The following GRIA1 variants were observed in gnomAD, a reference collection of about 807,000 sequenced individuals.
GRIA1 encodes the protein glutamate receptor 1.
Under a neutral mutation model 99.2 loss-of-function variants are expected in GRIA1, and 31 were observed. The ratio of observed to expected loss-of-function variants is 0.31; its 90% CI spans 0.23 to 0.42. GRIA1 has a LOEUF of 0.42. GRIA1 is among the 10% of genes least tolerant of loss of function. GRIA1 has a pLI of 1.00. For missense variants in GRIA1, 782 were observed against 1,157.5 expected (o/e 0.68, Z 4.71); for synonymous variants, 438 against 432.4 (o/e 1.01, Z -0.16).
At chr5:153,574,958 G>C (rs1231374479) in intron 2 of GRIA1, among the ~76,000 whole-genome samples, 1 of 152,138 alleles carries the variant, frequency 6.6e-6, no homozygotes, top group Non-Finnish European at 1.5e-5. Context: ...TTAAGAGGGA[G>C]AGACACCCAC....
At chr5:153,607,038 A>G in intron 2 of GRIA1, among the ~76,000 whole-genome samples, 1 of 80,292 alleles carries the variant, frequency 1.2e-5, no homozygotes, top group East Asian at 3.3e-4. Context: ...AACATATCAC[A>G]AAAGATATAT....
intron 2 of GRIA1, among the ~76,000 whole-genome samples, chr5:153,568,849 G>C (rs1030329558): frequency 2.6e-5 from 4 of 152,098 alleles, no homozygotes; most frequent in Non-Finnish European, 4.4e-5. Flanking sequence ...GACTTTGAAG[G>C]CCTTCTATAT....
At chr5:153,641,004 G>T (rs1472289933) in intron 2 of GRIA1, among the ~76,000 whole-genome samples, 4 of 152,140 alleles carry the variant, frequency 2.6e-5, no homozygotes, top group Non-Finnish European at 4.4e-5. Context: ...GGATGGACAG[G>T]CACTCTTATT....
chr5:153,763,372 G>C (rs182718463), intron 11 of GRIA1, among the ~76,000 whole-genome samples: 1 of 152,286 alleles, frequency 6.6e-6, no homozygotes, highest in East Asian at 1.9e-4. Flanking sequence ...TTCTCTGATT[G>C]TTAAATATAG....
At chr5:153,660,395 T>A (rs576999758) in intron 5 of GRIA1, among the ~76,000 whole-genome samples, 29 of 152,258 alleles carry the variant, frequency 1.9e-4, no homozygotes, top group Admixed American at 1.1e-3. Context: ...GAAACAGAGC[T>A]TCAGAAAGGT....
At chr5:153,655,680 G>A in intron 4 of GRIA1, 139 bp from the exon 5 acceptor site, 1 of 677,908 alleles carries the variant, frequency 1.5e-6, no homozygotes, top group Non-Finnish European at 2.7e-6. Context: ...ACCATCATTG[G>A]ATGGTTGGGA....
At chr5:153,787,441 A>T (rs1211434073) in intron 13 of GRIA1, among the ~76,000 whole-genome samples, 1 of 152,138 alleles carries the variant, frequency 6.6e-6, no homozygotes, top group Non-Finnish European at 1.5e-5. Context: ...ATGACCCACA[A>T]CCATCATCTC....
intron 8 of GRIA1, 74 bp downstream of exon 8, chr5:153,686,403 G>A: frequency 1.9e-6 from 2 of 1,043,812 alleles, no homozygotes; most frequent in Non-Finnish European, 2.9e-6. Context: ...CTGAGGGCCT[G>A]TGAGTCCACC....
intron 2 of GRIA1, among the ~76,000 whole-genome samples, chr5:153,500,104 A>C (rs576056385): frequency 6.6e-6 from 1 of 152,338 alleles, no homozygotes; most frequent in East Asian, 1.9e-4. Context: ...CTCTTATTAT[A>C]ATATTGATAA....
At chr5:153,519,079 A>G (rs778712718) in intron 2 of GRIA1, among the ~76,000 whole-genome samples, 1 of 152,122 alleles carries the variant, frequency 6.6e-6, no homozygotes, top group Non-Finnish European at 1.5e-5. Flanking sequence ...CCTGGCTAAC[A>G]CCGTGAAACC....
chr5:153,715,615 C>T (rs1759613711), intron 11 of GRIA1, among the ~76,000 whole-genome samples: 2 of 152,058 alleles, frequency 1.3e-5, no homozygotes, highest in African/African-American at 4.8e-5. Context: ...AAACATTTGC[C>T]TTGCACGGGG....
Position 153,628,032 on chromosome 5 carries a change from C to T in GRIA1, c.221-18896C>T, listed in dbSNP as rs192254023. ...GCAAGATGCTGAGTGCCATAACAAA[C>T]GTCTAAGCAGCTTGCTTTAGGTGTA... On this transcript the variant is annotated intron_variant, in intron 2 of 15. Transcript: ENST00000285900. 1.3e-3 allele frequency among the ~76,000 whole-genome samples: 201 copies of T among 152,302 alleles called. 2 individuals are homozygous for T. The South Asian group carries it at 0.021, about 16-fold the overall frequency.
chr5:153,699,016 A>G lies in GRIA1; in HGVS notation c.1395A>G (p.Gly465=). 1.9e-6 allele frequency: 3 copies of G among 1,614,038 alleles called. No individual in the cohort carries two copies. Among genetic ancestry groups the G allele is most frequent in the Non-Finnish European group, 2.5e-6 (3 of 1,179,974 alleles). The part of the protein sequence containing the change: ...RLEIVSDGKY[G]ARDPDTKAWN... ...AGATTGTCAGTGATGGAAAATACGGAGCCCGAGACCCTGACACGAAGGCCT... is the reference window on the plus strand; with the variant it reads ...AGATTGTCAGTGATGGAAAATACGGGGCCCGAGACCCTGACACGAAGGCCT... Residue 465 remains glycine, a synonymous_variant, in exon 10 of 16, where the codon GGA becomes GGG. Transcript: ENST00000285900.
At position 153,671,805 on chromosome 5, in the gene GRIA1, C is replaced by G. The variant is rs183506883; in HGVS notation, c.700-2695C>G. On this transcript the variant is annotated intron_variant, in intron 5 of 15. Coordinates refer to ENST00000285900, the MANE Select transcript of GRIA1 (RefSeq NM_000827.4). Reference sequence around the variant, plus strand: ...AGCAGGTTCTAGGACACATCAGTGACCAAGACAAAAAAGGTTCCTGCTCTT... The same window carrying G: ...AGCAGGTTCTAGGACACATCAGTGAGCAAGACAAAAAAGGTTCCTGCTCTT... Among the ~76,000 whole-genome samples the G allele has an allele frequency of 7.9e-5, 12 of 152,176 alleles. No homozygotes were observed. The East Asian group carries it at 1.9e-3, about 24-fold the overall frequency.
chr5:153,707,335 T>C (rs1758971082), intron 11 of GRIA1, among the ~76,000 whole-genome samples: 1 of 152,020 alleles, frequency 6.6e-6, no homozygotes, highest in South Asian at 2.1e-4. Context: ...GGACAGGAGA[T>C]GGGGGTGAGG....
upstream of GRIA1, chr5:153,490,631 C>A: frequency 1.9e-6 from 1 of 532,856 alleles, no homozygotes; most frequent in Non-Finnish European, 3.4e-6. Context: ...GGAGCCAGCG[C>A]TCCAGCTAGC....
chr5:153,802,507 G>T lies in GRIA1; in HGVS notation c.2520+17G>T. ...CGGATGAAGGTGGCATCGTCTTCCC[G>T]GGCCTTTTTCCTAACCTGTTCTGTG... On this transcript the variant is annotated intron_variant, in intron 15 of 15. Coordinates refer to ENST00000285900, the MANE Select transcript of GRIA1 (RefSeq NM_000827.4). 1.2e-6 allele frequency: 2 copies of T among 1,613,654 alleles called. No homozygotes were observed. The highest frequency in any genetic ancestry group is 1.7e-6 in the Non-Finnish European group (2 of 1,179,762).
chr5:153,615,038 A>G (rs1766358522), intron 2 of GRIA1, among the ~76,000 whole-genome samples: 1 of 152,226 alleles, frequency 6.6e-6, no homozygotes, highest in Non-Finnish European at 1.5e-5. Flanking sequence ...ATGTGATTTT[A>G]AAGTATGAGT....
intron 2 of GRIA1, among the ~76,000 whole-genome samples, chr5:153,555,149 C>G (rs1306398368): frequency 1.4e-5 from 2 of 145,402 alleles, no homozygotes; most frequent in Non-Finnish European, 3.0e-5. Flanking sequence ...ATAGAGTAAA[C>G]ACCTTTTTTA....
Sources: gnomAD v4.1 joint callset for allele counts (sites outside exome capture counted in the v4.1 genomes callset) on GRCh38, gnomAD v4.1.1 for gene constraint, MANE v1.5 for transcripts, NCBI Gene and HGNC (gene_info 2026-07-23, HGNC 2026-07-21) for gene names.